Variants in UGGT2 observed in about 807,000 individuals in gnomAD.
UGGT2 encodes UDP-glucose:glycoprotein glucosyltransferase 2.
A neutral mutation model predicts 192.1 loss-of-function variants in UGGT2; 180 were observed. The ratio of observed to expected loss-of-function variants is 0.94; its 90% CI spans 0.83 to 1.06. The LOEUF is 1.06. Among genes scored for constraint, UGGT2 ranks in the 50% least tolerant of loss-of-function variants. The probability of loss-of-function intolerance (pLI) is 0.00; values close to 1 mark genes in which losing one functional copy is unlikely to be tolerated. For synonymous variants in UGGT2, 580 were observed against 591.0 expected, an observed-to-expected ratio of 0.98 and a Z score of 0.27; for missense variants, 1,849 against 1,795.7, an observed-to-expected ratio of 1.03 and a Z score of -0.54.
chr13:95,824,284 A>G lies in UGGT2; in HGVS notation c.4528+8643T>C, dbSNP rs531110708. Among the ~76,000 whole-genome samples, 8 of 141,692 alleles carry G rather than the reference A, an allele frequency of 5.6e-5. No homozygotes were observed. The South Asian group carries it at 1.6e-3, about 29-fold the overall frequency. 93.0% of individuals were successfully genotyped at this position (141,692 alleles called of 152,430 possible). A position where few individuals can be genotyped will look rare whatever the true frequency, so the allele number is the denominator to read the frequency against. On this transcript the variant is annotated intron_variant, in intron 38 of 38. Transcript: ENST00000376747. Reference sequence around the variant, plus strand: ...TGTGTGCTTCGGTGATGATCTTTTCATAATGAAATTTCCGAGGAGTTCTTT... The same window carrying G: ...TGTGTGCTTCGGTGATGATCTTTTCGTAATGAAATTTCCGAGGAGTTCTTT...
intron 29 of UGGT2, among the ~76,000 whole-genome samples, chr13:95,867,719 C>T (rs975517344): frequency 2.0e-5 from 3 of 152,034 alleles, no homozygotes; most frequent in African/African-American, 7.2e-5. Context: ...TGTTATATAC[C>T]AAGGCTATCA....
At chr13:95,968,469 G>A (rs1474225551) in intron 12 of UGGT2, among the ~76,000 whole-genome samples, 3 of 152,096 alleles carry the variant, frequency 2.0e-5, no homozygotes, top group Non-Finnish European at 4.4e-5. Context: ...GCCGGAGGTA[G>A]GGCCTGATAG....
chr13:95,958,921 T>G (rs866157751), intron 12 of UGGT2, among the ~76,000 whole-genome samples: 25 of 152,158 alleles, frequency 1.6e-4, no homozygotes, highest in Non-Finnish European at 2.2e-4. Context: ...AAAAGCCCCT[T>G]CACCCTTATG....
At chr13:95,921,767 G>A (rs1156558348) in intron 20 of UGGT2, among the ~76,000 whole-genome samples, 1 of 152,010 alleles carries the variant, frequency 6.6e-6, no homozygotes, top group Non-Finnish European at 1.5e-5. Flanking sequence ...TTATTAAAAA[G>A]TCAAAAAAAT....
At chr13:95,858,276 A>C (rs973242516) in intron 33 of UGGT2, among the ~76,000 whole-genome samples, 6 of 151,880 alleles carry the variant, frequency 4.0e-5, no homozygotes, top group African/African-American at 1.5e-4. Context: ...TACCCTTGGA[A>C]TTTCCTGACT....
intron 15 of UGGT2, 113 bp downstream of exon 15, chr13:95,946,924 T>C: frequency 8.5e-7 from 1 of 1,173,712 alleles, no homozygotes; most frequent in African/African-American, 1.6e-5. Flanking sequence ...GTTTATAAAC[T>C]TTGAAATGTT....
intron 20 of UGGT2, among the ~76,000 whole-genome samples, chr13:95,924,559 C>T (rs916132465): frequency 1.3e-5 from 2 of 151,976 alleles, no homozygotes; most frequent in Non-Finnish European, 2.9e-5. Context: ...ATGGCCCCAA[C>T]GATCCCCATC....
intron 36 of UGGT2, among the ~76,000 whole-genome samples, chr13:95,852,386 TCATCTTCATA>T (rs1889139417): frequency 2.0e-5 from 3 of 152,160 alleles, no homozygotes; most frequent in Admixed American, 1.3e-4. Flanking sequence ...TACTCAAAAG[TCATCTTCATA>T]GGGACATATG....
chr13:95,866,568 T>A (rs1489454570), intron 30 of UGGT2, among the ~76,000 whole-genome samples: 1 of 152,200 alleles, frequency 6.6e-6, no homozygotes, highest in African/African-American at 2.4e-5. Flanking sequence ...TGACACAAAT[T>A]TGGGCTAAAA....
chr13:95,806,220 T>G (rs1192432466), intron 38 of UGGT2, among the ~76,000 whole-genome samples: 1 of 152,162 alleles, frequency 6.6e-6, no homozygotes, highest in African/African-American at 2.4e-5. Flanking sequence ...AACCCAACTT[T>G]GTAGCTTAGG....
chr13:95,895,376 C>G, intron 22 of UGGT2, 72 bp from the exon 23 acceptor site: 1 of 959,332 alleles, frequency 1.0e-6, no homozygotes, highest in Non-Finnish European at 1.4e-6. Context: ...ATTTCCTCAT[C>G]AAATAGATAT....
At chr13:95,895,053 A>AT (rs1188829325) in intron 23 of UGGT2, 127 bp downstream of exon 23, 3 of 957,896 alleles carry the variant, frequency 3.1e-6, no homozygotes, top group Non-Finnish European at 4.4e-6. Context: ...ATTTGCTTAT[A>AT]TTCTTTATAT....
intron 4 of UGGT2, among the ~76,000 whole-genome samples, chr13:96,021,946 G>A (rs1326452055): frequency 6.6e-6 from 1 of 152,056 alleles, no homozygotes; most frequent in African/African-American, 2.4e-5. Flanking sequence ...TTTGGGGAAG[G>A]GGAGCTTGGG....
At chr13:95,938,464 A>T (rs1046433319) in intron 16 of UGGT2, among the ~76,000 whole-genome samples, 2 of 152,246 alleles carry the variant, frequency 1.3e-5, no homozygotes, top group African/African-American at 4.8e-5. Flanking sequence ...ATGATAAAAC[A>T]GATACAGAGA....
intron 22 of UGGT2, among the ~76,000 whole-genome samples, chr13:95,898,947 C>T (rs58055473): frequency 0.021 from 3,225 of 152,276 alleles, 111 homozygotes; most frequent in African/African-American, 0.074. Flanking sequence ...TAAGACAAAA[C>T]GTGTCCCTCA....
chr13:95,879,476 C>A (rs974152454), intron 27 of UGGT2, among the ~76,000 whole-genome samples: 1 of 152,174 alleles, frequency 6.6e-6, no homozygotes, highest in Non-Finnish European at 1.5e-5. Context: ...CACTCTGTTG[C>A]CCAGGCTGGA....
At position 95,955,469 on chromosome 13, in the gene UGGT2, T is replaced by C. The variant is rs191328435; in HGVS notation, c.1336-6015A>G. 2.6e-5 allele frequency among the ~76,000 whole-genome samples: 4 copies of C among 152,330 alleles called. No homozygotes were observed. In the East Asian group the frequency reaches 5.8e-4, roughly 22 times the overall value. Reference sequence around the variant, plus strand: ...TCAGGTGGTACCTGGGTGTAGGCTGTTGCTACTCATAAGGTTCTTTTCTGT... The same window carrying C: ...TCAGGTGGTACCTGGGTGTAGGCTGCTGCTACTCATAAGGTTCTTTTCTGT... On this transcript the variant is annotated intron_variant, in intron 12 of 38. Transcript: ENST00000376747.
chr13:95,878,377 A>T (rs1189939375), intron 27 of UGGT2, among the ~76,000 whole-genome samples: 3 of 152,204 alleles, frequency 2.0e-5, no homozygotes, highest in Non-Finnish European at 2.9e-5. Context: ...AACAGAATAA[A>T]CACTGATATA....
In UGGT2 at chr13:95,948,080, A is replaced by G; in HGVS notation, c.1457T>C (p.Val486Ala). 2.5e-6 allele frequency: 4 copies of G among 1,610,880 alleles called. No homozygotes were observed. The highest frequency in any genetic ancestry group is 1.7e-5 in the Admixed American group (1 of 59,882). Residue 486 changes from valine (V) to alanine (A), a missense_variant and splice_region_variant, in exon 14 of 39, where the codon GTT becomes GCT. Transcript: ENST00000376747. ...PSIRRNFHNL[V>A]LFIDPAQEYT... ...TTCTTGGGCCGGATCAATAAACAGA[A>G]CCTAAAAGAAAGATAGTATATATCA...
Sources: gnomAD v4.1 joint callset for allele counts (sites outside exome capture counted in the v4.1 genomes callset) on GRCh38, gnomAD v4.1.1 for gene constraint, MANE v1.5 for transcripts, NCBI Gene and HGNC (gene_info 2026-07-23, HGNC 2026-07-21) for gene names.